The following LRMDA variants were observed in gnomAD, a reference collection of about 807,000 sequenced individuals.
LRMDA encodes leucine rich melanocyte differentiation associated.
LRMDA carries 18 observed loss-of-function variants against 29.8 expected under a neutral mutation model. The observed-to-expected ratio is 0.60, with a 90% CI of 0.42 to 0.90. The LOEUF is 0.90. Ranked by LOEUF, LRMDA falls within the 40% of genes least tolerant of loss-of-function variation. The pLI, the probability that LRMDA is intolerant of heterozygous loss-of-function variation, is 0.00. For missense variants in LRMDA, 273 were observed against 273.9 expected (o/e 1.00, Z 0.02); for synonymous variants, 125 against 109.4 (o/e 1.14, Z -0.89).
intron 6 of LRMDA, among the ~76,000 whole-genome samples, chr10:76,419,665 T>C (rs1842053305): frequency 6.6e-6 from 1 of 152,116 alleles, no homozygotes; most frequent in Non-Finnish European, 1.5e-5. Context: ...GCTGTACCAT[T>C]TTGCATTCCC....
chr10:76,358,900 C>G (rs903256863), intron 6 of LRMDA, among the ~76,000 whole-genome samples: 2 of 152,164 alleles, frequency 1.3e-5, no homozygotes, highest in Non-Finnish European at 2.9e-5. Context: ...TTGAATAACT[C>G]TGTTGCTTGG....
chr10:76,340,448 G>A lies in LRMDA; in HGVS notation c.601+15963G>A, dbSNP rs145201075. On this transcript the variant is annotated intron_variant, in intron 6 of 6. Transcript: ENST00000611255. ...TGAGGCTCTCTGGAGCCCAGGAGGC[G>A]GAGGTTGCAGTGAGCCAAGATCGTG... is the stretch of plus-strand genomic sequence containing the variant. Among the ~76,000 whole-genome samples, 1,358 of 147,774 alleles carry A rather than the reference G, an allele frequency of 9.2e-3. 14 individuals carry two copies. Among genetic ancestry groups the A allele is most frequent in the African/African-American group, 0.031 (1,263 of 40,260 alleles).
intron 2 of LRMDA, among the ~76,000 whole-genome samples, chr10:75,905,175 C>T (rs9415127): frequency 0.069 from 10,442 of 151,256 alleles, 771 homozygotes; most frequent in East Asian, 0.35. Flanking sequence ...CTTTGCTTCA[C>T]AGGCATGGGC....
At chr10:76,367,665 C>G (rs903115112) in intron 6 of LRMDA, among the ~76,000 whole-genome samples, 1 of 152,130 alleles carries the variant, frequency 6.6e-6, no homozygotes, top group Admixed American at 6.5e-5. Context: ...CTCAGGTGAT[C>G]CACCTGCCCC....
At chr10:76,167,080 C>T (rs1850754354) in intron 5 of LRMDA, among the ~76,000 whole-genome samples, 2 of 152,112 alleles carry the variant, frequency 1.3e-5, no homozygotes, top group East Asian at 1.9e-4. Context: ...AGCTTTTTTT[C>T]ATATGCTTGC....
intron 6 of LRMDA, among the ~76,000 whole-genome samples, chr10:76,336,575 G>C (rs915742258): frequency 1.3e-5 from 2 of 152,168 alleles, no homozygotes; most frequent in African/African-American, 4.8e-5. Flanking sequence ...AATGACAAGA[G>C]GGGGTGGGGA....
chr10:76,416,845 G>A (rs868161653), intron 6 of LRMDA, among the ~76,000 whole-genome samples: 33 of 152,186 alleles, frequency 2.2e-4, no homozygotes, highest in African/African-American at 7.5e-4. Context: ...GGAAATGTGC[G>A]TGTGCCTGTG....
chr10:76,294,606 G>A lies in LRMDA; in HGVS notation c.517-29795G>A, dbSNP rs79941988. Among the ~76,000 whole-genome samples, 670 of 152,238 alleles carry A rather than the reference G, an allele frequency of 4.4e-3. 2 individuals carry two copies. The highest frequency in any genetic ancestry group is 0.015 in the African/African-American group (620 of 41,528). On this transcript the variant is annotated intron_variant, in intron 5 of 6. Transcript: ENST00000611255. ...ACTTTCAAAGTATAAAGTTGGAGAGGTCAGAACATTCCACAGGTTTTAGAT... is the reference window on the plus strand; with the variant it reads ...ACTTTCAAAGTATAAAGTTGGAGAGATCAGAACATTCCACAGGTTTTAGAT...
intron 5 of LRMDA, among the ~76,000 whole-genome samples, chr10:76,209,365 C>A (rs536906914): frequency 6.6e-6 from 1 of 151,980 alleles, no homozygotes; most frequent in Non-Finnish European, 1.5e-5. Flanking sequence ...CTATGCAGGT[C>A]GCCTCCTTGT....
At chr10:75,969,956 T>A (rs924940357) in intron 2 of LRMDA, among the ~76,000 whole-genome samples, 1 of 152,190 alleles carries the variant, frequency 6.6e-6, no homozygotes, top group Non-Finnish European at 1.5e-5. Context: ...CAAATGGAAT[T>A]GTCTGAGATA....
At chr10:75,996,981 C>T (rs976908746) in intron 2 of LRMDA, among the ~76,000 whole-genome samples, 1 of 152,112 alleles carries the variant, frequency 6.6e-6, no homozygotes, top group Non-Finnish European at 1.5e-5. Context: ...ATCCACCCGC[C>T]TCGCCCTCCC....
chr10:75,475,104 C>T (rs1477414777), intron 2 of LRMDA, among the ~76,000 whole-genome samples: 1 of 152,190 alleles, frequency 6.6e-6, no homozygotes, highest in Non-Finnish European at 1.5e-5. Flanking sequence ...CATGCTGTTG[C>T]TGGGGTCCTG....
intron 5 of LRMDA, among the ~76,000 whole-genome samples, chr10:76,145,042 C>A (rs180914680): frequency 0.021 from 3,207 of 152,180 alleles, 50 homozygotes; most frequent in Non-Finnish European, 0.032. Flanking sequence ...GGGATGAAGC[C>A]CAGTTGATCA....
At chr10:76,445,696 T>A (rs953938260) in intron 6 of LRMDA, among the ~76,000 whole-genome samples, 2 of 152,210 alleles carry the variant, frequency 1.3e-5, no homozygotes, top group Non-Finnish European at 1.5e-5. Context: ...TTGGGTAATA[T>A]CTTATTCCAT....
chr10:75,566,284 T>C (rs1289758744), intron 2 of LRMDA, among the ~76,000 whole-genome samples: 2 of 152,188 alleles, frequency 1.3e-5, no homozygotes, highest in African/African-American at 4.8e-5. Context: ...GAAAGAGTTA[T>C]GTCCACTCGT....
chr10:76,458,864 A>G (rs1842484316), intron 6 of LRMDA, among the ~76,000 whole-genome samples: 1 of 152,134 alleles, frequency 6.6e-6, no homozygotes, highest in South Asian at 2.1e-4. Context: ...CATTTGATGC[A>G]CAGATACAAA....
intron 2 of LRMDA, among the ~76,000 whole-genome samples, chr10:75,620,178 A>G (rs1402044634): frequency 3.9e-5 from 6 of 152,178 alleles, no homozygotes; most frequent in African/African-American, 1.4e-4. Flanking sequence ...TCATGTTTTC[A>G]TCAGGGAGGC....
At chr10:75,692,219 A>AATATATATATATATAT (rs57600678) in intron 2 of LRMDA, among the ~76,000 whole-genome samples, 14 of 87,556 alleles carry the variant, frequency 1.6e-4, no homozygotes, top group African/African-American at 7.7e-4. Flanking sequence ...AAAAAAAAAA[A>AATATATATATATATAT]ATATATATAT....
intron 2 of LRMDA, among the ~76,000 whole-genome samples, chr10:75,593,893 C>G (rs947471113): frequency 6.6e-6 from 1 of 152,210 alleles, no homozygotes; most frequent in Non-Finnish European, 1.5e-5. Context: ...AGCCCCAGAC[C>G]CTTGACTTTT....
Sources: allele counts gnomAD v4.1 joint callset (sites outside exome capture counted in the v4.1 genomes callset), GRCh38; gene constraint gnomAD v4.1.1; transcripts MANE v1.5; gene names NCBI Gene and HGNC (gene_info 2026-07-23, HGNC 2026-07-21).